JAKMIP2: variants seen among roughly 807,000 people sequenced by gnomAD.
JAKMIP2 encodes the protein janus kinase and microtubule interacting protein 2, also known as janus kinase and microtubule-interacting protein 2.
A neutral mutation model predicts 115.0 loss-of-function variants in JAKMIP2; 25 were observed. The observed-to-expected ratio is 0.22, with a 90% confidence interval of 0.16 to 0.30. JAKMIP2 has a LOEUF of 0.30. JAKMIP2 is among the 10% of genes least tolerant of loss of function. The probability of loss-of-function intolerance (pLI) is 1.00; values close to 1 mark genes in which losing one functional copy is unlikely to be tolerated. For missense variants in JAKMIP2, 642 were observed against 957.6 expected (o/e 0.67, Z 4.35); for synonymous variants, 334 against 343.6 (o/e 0.97, Z 0.31).
chr5:147,644,332 A>G lies in JAKMIP2; in HGVS notation c.1084-134T>C, dbSNP rs1758022629. On this transcript the variant is annotated intron_variant, in intron 6 of 21. Transcript: ENST00000616793. Reference sequence around the variant, plus strand: ...AATTGCCCAGCCTGAATACACATACACCAACTAAATCCTCAAGCACATTTT... The same window carrying G: ...AATTGCCCAGCCTGAATACACATACGCCAACTAAATCCTCAAGCACATTTT... 7.5e-6 allele frequency: 5 copies of G among 663,572 alleles called. No individual in the cohort carries two copies. In the South Asian group the frequency reaches 8.4e-5, roughly 11 times the overall value. 41.1% of individuals were successfully genotyped at this position (663,572 alleles called of 1,614,324 possible).
intron 21 of JAKMIP2, among the ~76,000 whole-genome samples, chr5:147,592,029 T>A (rs987224626): frequency 1.3e-5 from 2 of 152,198 alleles, no homozygotes; most frequent in African/African-American, 4.8e-5. Context: ...CCCCAACATA[T>A]CCATTTAAGA....
At chr5:147,595,818 A>G (rs929817686) in intron 21 of JAKMIP2, among the ~76,000 whole-genome samples, 1 of 152,188 alleles carries the variant, frequency 6.6e-6, no homozygotes, top group African/African-American at 2.4e-5. Flanking sequence ...TTTGGTATAC[A>G]AGGTTGAACA....
At chr5:147,715,736 T>C (rs1419222106) in intron 1 of JAKMIP2, among the ~76,000 whole-genome samples, 1 of 151,576 alleles carries the variant, frequency 6.6e-6, no homozygotes, top group Non-Finnish European at 1.5e-5. Flanking sequence ...CCTAAAACAT[T>C]CATCTCTGAG....
intron 12 of JAKMIP2, 30 bp from the exon 13 acceptor site, chr5:147,632,808 G>A: frequency 2.8e-6 from 4 of 1,453,152 alleles, no homozygotes; most frequent in Non-Finnish European, 3.9e-6. Flanking sequence ...AGTTAGGTAA[G>A]CATTGAGAAA....
At position 147,632,561 on chromosome 5, in the gene JAKMIP2, G is replaced by A. The variant is rs916051049; in HGVS notation, c.1776+119C>T. The A allele has an allele frequency of 8.7e-6, 6 of 690,494 alleles. No individual in the cohort carries two copies. In the African/African-American group the frequency reaches 1.1e-4, roughly 12 times the overall value. The allele number at this position is 690,494 out of a possible 1,614,324, so 42.8% of individuals were successfully genotyped here. On this transcript the variant is annotated intron_variant, in intron 13 of 21. Transcript: ENST00000616793. Reference sequence around the variant, plus strand: ...CCACTATATAATTTTGAGGGTGATTGTGAGGTCCAAATGAGAGTATGAATC... The same window carrying A: ...CCACTATATAATTTTGAGGGTGATTATGAGGTCCAAATGAGAGTATGAATC...
intron 1 of JAKMIP2, among the ~76,000 whole-genome samples, chr5:147,770,857 G>T (rs1755324441): frequency 6.6e-6 from 1 of 151,976 alleles, no homozygotes; most frequent in Non-Finnish European, 1.5e-5. Flanking sequence ...TTTAAAAAGT[G>T]AATCCTGGAT....
intron 13 of JAKMIP2, among the ~76,000 whole-genome samples, 155 bp from the exon 14 acceptor site, chr5:147,631,666 C>T (rs764537291): frequency 4.3e-4 from 65 of 152,172 alleles, no homozygotes; most frequent in Non-Finnish European, 8.1e-4. Flanking sequence ...TTAAATGTGA[C>T]GGAAAAAGCT....
rs1306622974 is a variant in JAKMIP2 at position 147,719,750 on chromosome 5, G to A, written c.-148-47796C>T. ...TTTGAGCCTATGTGTGTCTCTGCAT[G>A]TGAGATGGGTTTCCTGAACACAGCA... On this transcript the variant is annotated intron_variant, in intron 1 of 21. Coordinates refer to ENST00000616793, the MANE Select transcript of JAKMIP2 (RefSeq NM_001270941.2). Among the ~76,000 whole-genome samples the A allele has an allele frequency of 4.2e-3, 633 of 151,182 alleles. 3 individuals carry two copies. Among genetic ancestry groups the A allele is most frequent in the African/African-American group, 0.014 (593 of 40,954 alleles).
At chr5:147,775,089 G>A (rs1434430508) in intron 1 of JAKMIP2, among the ~76,000 whole-genome samples, 1 of 152,122 alleles carries the variant, frequency 6.6e-6, no homozygotes, top group Non-Finnish European at 1.5e-5. Flanking sequence ...GGCAACAAAG[G>A]CTTTTTCCTC....
chr5:147,663,431 G>A (rs1002946035), intron 2 of JAKMIP2, among the ~76,000 whole-genome samples: 1 of 152,108 alleles, frequency 6.6e-6, no homozygotes, highest in Non-Finnish European at 1.5e-5. Context: ...TCTTGTGCTG[G>A]ATGCCTCCTG....
At chr5:147,741,708 T>C (rs2126996164) in intron 1 of JAKMIP2, among the ~76,000 whole-genome samples, 1 of 152,300 alleles carries the variant, frequency 6.6e-6, no homozygotes, top group Admixed American at 6.5e-5. Flanking sequence ...GAAAGTGTTT[T>C]CTTTCTAGCT....
At chr5:147,759,660 C>T (rs536991781) in intron 1 of JAKMIP2, among the ~76,000 whole-genome samples, 1 of 152,166 alleles carries the variant, frequency 6.6e-6, no homozygotes, top group South Asian at 2.1e-4. Flanking sequence ...ACTTAAGCTG[C>T]AATTTGAATG....
chr5:147,738,096 A>C (rs1753992816), intron 1 of JAKMIP2, among the ~76,000 whole-genome samples: 1 of 152,244 alleles, frequency 6.6e-6, no homozygotes, highest in Admixed American at 6.5e-5. Flanking sequence ...TATGAGCCAT[A>C]AAAAGGGTTT....
rs556418658 is a variant in JAKMIP2 at position 147,608,970 on chromosome 5, G to A, written c.2412+3336C>T. On this transcript the variant is annotated intron_variant, in intron 20 of 21. Coordinates refer to ENST00000616793, the MANE Select transcript of JAKMIP2 (RefSeq NM_001270941.2). Reference sequence around the variant, plus strand: ...TTTTGATTTTTGTTGGTTTAAAGTCGGTTTTATCAGAGACTAGAATTGCAA... The same window carrying A: ...TTTTGATTTTTGTTGGTTTAAAGTCAGTTTTATCAGAGACTAGAATTGCAA... Among the ~76,000 whole-genome samples the A allele has an allele frequency of 2.1e-5, 3 of 145,936 alleles. 1 individual carries two copies. In the South Asian group the frequency reaches 6.7e-4, roughly 32 times the overall value.
intron 4 of JAKMIP2, among the ~76,000 whole-genome samples, chr5:147,649,150 T>C (rs534074431): frequency 1.3e-5 from 2 of 152,338 alleles, no homozygotes; most frequent in South Asian, 4.1e-4. Context: ...TATTATCATA[T>C]GCTAACAATT....
At chr5:147,718,148 T>C (rs1325333516) in intron 1 of JAKMIP2, among the ~76,000 whole-genome samples, 1 of 150,924 alleles carries the variant, frequency 6.6e-6, no homozygotes, top group Non-Finnish European at 1.5e-5. Context: ...CTAGATTACA[T>C]TTATTGATTT....
intron 20 of JAKMIP2, among the ~76,000 whole-genome samples, chr5:147,603,523 C>G (rs1171757147): frequency 6.6e-6 from 1 of 152,196 alleles, no homozygotes; most frequent in Non-Finnish European, 1.5e-5. Flanking sequence ...AAGAGTATCT[C>G]TGGCATACAG....
intron 1 of JAKMIP2, among the ~76,000 whole-genome samples, chr5:147,673,852 C>A (rs974197185): frequency 6.6e-6 from 1 of 152,006 alleles, no homozygotes; most frequent in Non-Finnish European, 1.5e-5. Flanking sequence ...TAACAGGTTT[C>A]TCTCTATATA....
At position 147,628,819 on chromosome 5, in the gene JAKMIP2, G is replaced by T; in HGVS notation, c.1930-3C>A. On this transcript the variant is annotated splice_polypyrimidine_tract_variant and splice_region_variant and intron_variant, in intron 15 of 21. Transcript: ENST00000616793. ...ACTTGTTCTTCATTTCTTAAATTCT[G>T]TAAAAAATAAGAAAGGCCGTCAGCT... 2 of 1,611,158 alleles carry T rather than the reference G, an allele frequency of 1.2e-6. No individual in the cohort carries two copies. The highest frequency in any genetic ancestry group is 1.7e-6 in the Non-Finnish European group (2 of 1,177,934).
Sources: gnomAD v4.1 joint callset for allele counts (sites outside exome capture counted in the v4.1 genomes callset) on GRCh38, gnomAD v4.1.1 for gene constraint, MANE v1.5 for transcripts, NCBI Gene and HGNC (gene_info 2026-07-23, HGNC 2026-07-21) for gene names.